Variants in RORA observed in about 807,000 individuals in gnomAD.
RORA encodes RAR related orphan receptor A, also known as nuclear receptor ROR-alpha.
In RORA, 7 loss-of-function variants were observed where a neutral mutation model predicts 69.5. The observed-to-expected ratio is 0.10, with a 90% CI of 0.06 to 0.19. RORA has a LOEUF of 0.19. Among genes scored for constraint, RORA ranks in the 10% least tolerant of loss-of-function variants. RORA has a pLI of 1.00. For synonymous variants in RORA, 261 were observed against 240.8 expected (o/e 1.08, Z -0.78); for missense variants, 457 against 663.0 (o/e 0.69, Z 3.41).
In RORA at chr15:61,118,281, G is replaced by A. The variant is rs75360960; in HGVS notation, c.166+110772C>T. 7.9e-3 allele frequency among the ~76,000 whole-genome samples: 1,206 copies of A among 152,230 alleles called. 41 individuals carry two copies. In the East Asian group the frequency reaches 0.1, roughly 13 times the overall value. On this transcript the variant is annotated intron_variant, in intron 1 of 10. Coordinates refer to ENST00000335670, the MANE Select transcript of RORA (RefSeq NM_134261.3). ...AGCCTTCAGGCCTGCCCTGTCTCTC[G>A]GCTTGACAGGGCGCTTGTGAGGCTC...
chr15:60,501,877 T>A (rs1237342163), intron 8 of RORA, among the ~76,000 whole-genome samples: 1 of 152,254 alleles, frequency 6.6e-6, no homozygotes, highest in Non-Finnish European at 1.5e-5. Context: ...GTTCATTATA[T>A]ATATCATCTG....
intron 5 of RORA, among the ~76,000 whole-genome samples, chr15:60,506,020 C>G (rs2065489263): frequency 6.6e-6 from 1 of 152,188 alleles, no homozygotes; most frequent in Admixed American, 6.5e-5. Context: ...AAGGATTATT[C>G]TTATTCTTGA....
chr15:60,507,584 ACATGT>A (rs2065551311), intron 5 of RORA, among the ~76,000 whole-genome samples: 1 of 152,228 alleles, frequency 6.6e-6, no homozygotes, highest in Non-Finnish European at 1.5e-5. Flanking sequence ...CCAGTAAATT[ACATGT>A]CTTAGAATCA....
chr15:61,179,545 G>A (rs2079662793), intron 1 of RORA, among the ~76,000 whole-genome samples: 1 of 152,056 alleles, frequency 6.6e-6, no homozygotes, highest in South Asian at 2.1e-4. Context: ...TTCTTGGATG[G>A]TAAGTATCAA....
chr15:61,217,865 T>C (rs779014462), intron 1 of RORA, among the ~76,000 whole-genome samples: 10 of 152,186 alleles, frequency 6.6e-5, no homozygotes, highest in Non-Finnish European at 8.8e-5. Context: ...ATAAAGATAC[T>C]GTATGATTAT....
chr15:61,140,200 G>A (rs965269721), intron 1 of RORA, among the ~76,000 whole-genome samples: 7 of 152,146 alleles, frequency 4.6e-5, no homozygotes, highest in Non-Finnish European at 7.4e-5. Context: ...AGAAAAGTTC[G>A]TTCTGTCTTC....
chr15:61,042,226 A>C (rs1365927385), intron 1 of RORA, among the ~76,000 whole-genome samples: 1 of 152,246 alleles, frequency 6.6e-6, no homozygotes, highest in East Asian at 1.9e-4. Context: ...ATATATACAG[A>C]TAGGCTATGT....
intron 1 of RORA, among the ~76,000 whole-genome samples, chr15:60,946,693 G>A (rs939929647): frequency 2.0e-5 from 3 of 152,090 alleles, no homozygotes. Flanking sequence ...CCGCCACCCC[G>A]TCTGGGAAGT....
chr15:60,794,088 C>G (rs1452040034), intron 1 of RORA, among the ~76,000 whole-genome samples: 2 of 152,180 alleles, frequency 1.3e-5, no homozygotes, highest in African/African-American at 4.8e-5. Flanking sequence ...GTGTGTTCAA[C>G]TGTTTCTTTT....
chr15:60,619,463 T>C (rs915437168), intron 2 of RORA, among the ~76,000 whole-genome samples: 47 of 152,248 alleles, frequency 3.1e-4, no homozygotes, highest in African/African-American at 1.1e-3. Flanking sequence ...TTCATAATCA[T>C]CAGGGCTGAG....
intron 1 of RORA, among the ~76,000 whole-genome samples, chr15:61,135,249 T>C (rs1274951609): frequency 2.0e-5 from 3 of 151,514 alleles, no homozygotes; most frequent in African/African-American, 7.3e-5. Flanking sequence ...GAGAAACACT[T>C]GAACACAGGA....
At chr15:60,951,175 G>A (rs1178390395) in intron 1 of RORA, among the ~76,000 whole-genome samples, 3 of 152,102 alleles carry the variant, frequency 2.0e-5, no homozygotes, top group East Asian at 3.9e-4. Flanking sequence ...TGAACAACCT[G>A]CTCCTGAATG....
intron 1 of RORA, among the ~76,000 whole-genome samples, chr15:60,798,460 G>T (rs55796775): frequency 0.44 from 66,747 of 151,830 alleles, 14,940 homozygotes; most frequent in Middle Eastern, 0.52. Flanking sequence ...TCTTATTTTA[G>T]AAATAACATG....
intron 2 of RORA, among the ~76,000 whole-genome samples, chr15:60,611,625 T>C (rs921767917): frequency 2.5e-5 from 3 of 122,062 alleles, no homozygotes; most frequent in African/African-American, 9.4e-5. Flanking sequence ...TCTAGAGAAC[T>C]CTTAGCACCT....
intron 1 of RORA, among the ~76,000 whole-genome samples, chr15:61,095,892 T>C (rs2078782613): frequency 6.6e-6 from 1 of 152,176 alleles, no homozygotes; most frequent in African/African-American, 2.4e-5. Context: ...AACTGGCCCA[T>C]CTTTTCTACT....
chr15:60,844,812 T>C (rs911158898), intron 1 of RORA, among the ~76,000 whole-genome samples: 13 of 152,186 alleles, frequency 8.5e-5, no homozygotes, highest in Non-Finnish European at 1.8e-4. Flanking sequence ...AGCTATTGGC[T>C]CCAGGGCTAC....
At chr15:61,030,093 C>A (rs1666157583) in intron 1 of RORA, among the ~76,000 whole-genome samples, 1 of 152,162 alleles carries the variant, frequency 6.6e-6, no homozygotes, top group South Asian at 2.1e-4. Context: ...CATGAAGTAA[C>A]TGACCTAGAG....
chr15:60,760,851 G>GAC (rs150514615), intron 1 of RORA, among the ~76,000 whole-genome samples: 6,147 of 149,926 alleles, frequency 0.041, 329 homozygotes, highest in African/African-American at 0.13. Flanking sequence ...CATGCAGACA[G>GAC]ACACACACAC....
intron 2 of RORA, chr15:60,558,436 C>T: frequency 1.7e-6 from 1 of 589,668 alleles, no homozygotes; most frequent in South Asian, 2.3e-5. Flanking sequence ...TAATAGATCT[C>T]ATACACCAGA....
Sources: gnomAD v4.1 joint callset for allele counts (sites outside exome capture counted in the v4.1 genomes callset) on GRCh38, gnomAD v4.1.1 for gene constraint, MANE v1.5 for transcripts, NCBI Gene and HGNC (gene_info 2026-07-23, HGNC 2026-07-21) for gene names.